The following TRDN variants were observed in gnomAD, a reference collection of about 807,000 sequenced individuals.
The protein encoded by TRDN is triadin in skeletal muscle.
Under a neutral mutation model 149.7 loss-of-function variants are expected in TRDN, and 161 were observed. The ratio of observed to expected loss-of-function variants is 1.08; its 90% CI spans 0.95 to 1.23. TRDN has a LOEUF of 1.23. Ranked by LOEUF, TRDN falls within the 50% of genes most tolerant of loss-of-function variation. TRDN has a pLI of 0.00. For synonymous variants in TRDN, 294 were observed against 250.5 expected (o/e 1.17, Z -1.64); for missense variants, 896 against 823.5 (o/e 1.09, Z -1.08).
chr6:123,396,513 G>C (rs1353295863), intron 12 of TRDN, among the ~76,000 whole-genome samples: 6 of 152,152 alleles, frequency 3.9e-5, no homozygotes, highest in African/African-American at 1.4e-4. Context: ...TTCTGAAATT[G>C]ATAAATAGTA....
chr6:123,484,656 G>T (rs1241788639), intron 9 of TRDN, among the ~76,000 whole-genome samples: 1 of 152,082 alleles, frequency 6.6e-6, no homozygotes, highest in Non-Finnish European at 1.5e-5. Flanking sequence ...GCAAGTCCAT[G>T]CCATTAATAG....
intron 12 of TRDN, among the ~76,000 whole-genome samples, chr6:123,412,128 A>G (rs1773467771): frequency 6.6e-6 from 1 of 152,178 alleles, no homozygotes; most frequent in African/African-American, 2.4e-5. Flanking sequence ...TTATCTCCCC[A>G]AAATATAGCT....
At chr6:123,290,552 C>A (rs1777968062) in intron 24 of TRDN, among the ~76,000 whole-genome samples, 1 of 152,024 alleles carries the variant, frequency 6.6e-6, no homozygotes, top group Non-Finnish European at 1.5e-5. Context: ...TGCATGGTAT[C>A]TTGTTTCTTA....
intron 2 of TRDN, among the ~76,000 whole-genome samples, chr6:123,551,001 A>G (rs1781353638): frequency 6.6e-6 from 1 of 151,784 alleles, no homozygotes; most frequent in South Asian, 2.1e-4. Context: ...TTCTGGCACC[A>G]TTAAAGGCAT....
At chr6:123,345,583 A>G (rs190475987) in intron 21 of TRDN, among the ~76,000 whole-genome samples, 13 of 152,122 alleles carry the variant, frequency 8.5e-5, no homozygotes, top group African/African-American at 2.2e-4. Context: ...TAGTTTGTCA[A>G]TAGCCACAAG....
intron 20 of TRDN, among the ~76,000 whole-genome samples, chr6:123,353,895 C>G (rs1780558996): frequency 6.6e-6 from 1 of 151,720 alleles, no homozygotes; most frequent in South Asian, 2.1e-4. Flanking sequence ...ACAGATCACA[C>G]CTGTAGATAA....
intron 2 of TRDN, among the ~76,000 whole-genome samples, chr6:123,570,096 C>T (rs752254333): frequency 6.6e-5 from 10 of 152,008 alleles, no homozygotes; most frequent in Admixed American, 1.3e-4. Context: ...AATGCAATTA[C>T]TAGTATTTAT....
At chr6:123,458,595 C>A (rs985213248) in intron 10 of TRDN, among the ~76,000 whole-genome samples, 88 of 152,142 alleles carry the variant, frequency 5.8e-4, no homozygotes, top group African/African-American at 2.0e-3. Flanking sequence ...ATCAGCCAAT[C>A]CTTTAACATA....
chr6:123,442,118 GA>G (rs1774928367), intron 10 of TRDN: 1 of 152,228 alleles, frequency 6.6e-6, no homozygotes, highest in Admixed American at 6.5e-5. Context: ...GTTATCTACA[GA>G]GGGGTGTGGA....
chr6:123,290,290 T>C (rs1777956675), intron 24 of TRDN, among the ~76,000 whole-genome samples: 2 of 152,078 alleles, frequency 1.3e-5, no homozygotes, highest in African/African-American at 4.8e-5. Flanking sequence ...CCAGTTGTCT[T>C]GTATAGGTCA....
intron 10 of TRDN, among the ~76,000 whole-genome samples, chr6:123,441,694 T>C (rs1774898192): frequency 6.6e-6 from 1 of 152,216 alleles, no homozygotes; most frequent in Non-Finnish European, 1.5e-5. Context: ...TGCTTTTAAA[T>C]GTTTTTTATG....
chr6:123,264,048 C>T (rs1161675432), intron 33 of TRDN, among the ~76,000 whole-genome samples: 1 of 152,044 alleles, frequency 6.6e-6, no homozygotes, highest in Non-Finnish European at 1.5e-5. Context: ...ATTAATATTG[C>T]TTTCATGCCT....
chr6:123,437,098 A>G (rs1474245564), intron 12 of TRDN, among the ~76,000 whole-genome samples: 1 of 152,188 alleles, frequency 6.6e-6, no homozygotes, highest in Non-Finnish European at 1.5e-5. Context: ...AACAAAATTT[A>G]AAGCAAAAAT....
chr6:123,487,430 C>T (rs1311781395), intron 9 of TRDN, among the ~76,000 whole-genome samples: 3 of 151,982 alleles, frequency 2.0e-5, no homozygotes, highest in African/African-American at 7.2e-5. Flanking sequence ...TAATGGCTTC[C>T]TAAAGTTTAC....
intron 20 of TRDN, among the ~76,000 whole-genome samples, chr6:123,355,595 G>C (rs532904509): frequency 6.6e-6 from 1 of 151,640 alleles, no homozygotes; most frequent in South Asian, 2.1e-4. Flanking sequence ...GCTATTCTTA[G>C]ACATTTGCTT....
chr6:123,454,763 G>T (rs1776000501), intron 10 of TRDN, among the ~76,000 whole-genome samples: 1 of 152,206 alleles, frequency 6.6e-6, no homozygotes, highest in African/African-American at 2.4e-5. Context: ...AACTGCACAT[G>T]CAAGGGATCT....
At position 123,602,969 on chromosome 6, in the gene TRDN, T is replaced by C. The variant is rs147136782; in HGVS notation, c.23-31837A>G. On this transcript the variant is annotated intron_variant, in intron 1 of 40. Transcript: ENST00000334268. ...CAGTATGTGATTTAGATTTATGAGA[T>C]TATGCAGCAGCACTAAACTGAATTT... 1.3e-4 allele frequency among the ~76,000 whole-genome samples: 20 copies of C among 152,204 alleles called. No homozygotes were observed. In the East Asian group the frequency reaches 1.9e-3, roughly 15 times the overall value.
At chr6:123,606,212 T>A (rs1784520380) in intron 1 of TRDN, among the ~76,000 whole-genome samples, 1 of 151,742 alleles carries the variant, frequency 6.6e-6, no homozygotes, top group East Asian at 2.0e-4. Flanking sequence ...ACTTTATTAT[T>A]TCTAACATAA....
At chr6:123,480,834 C>T (rs1777715898) in intron 9 of TRDN, among the ~76,000 whole-genome samples, 1 of 151,950 alleles carries the variant, frequency 6.6e-6, no homozygotes, top group Admixed American at 6.6e-5. Context: ...TAAATAATGC[C>T]TCCTATCTCC....
Sources: gnomAD v4.1 joint callset for allele counts (sites outside exome capture counted in the v4.1 genomes callset) on GRCh38, gnomAD v4.1.1 for gene constraint, MANE v1.5 for transcripts, NCBI Gene and HGNC (gene_info 2026-07-23, HGNC 2026-07-21) for gene names.